Variants in SOX5 observed in about 807,000 individuals in gnomAD.
The protein encoded by SOX5 is SRY-box transcription factor 5, also known as transcription factor SOX-5.
Under a neutral mutation model 92.0 loss-of-function variants are expected in SOX5, and 9 were observed. That is an observed-to-expected ratio of 0.10 (90% CI 0.06 to 0.17). SOX5 has a LOEUF of 0.17. Ranked by LOEUF, SOX5 falls within the 10% of genes least tolerant of loss-of-function variation. The pLI, the probability that SOX5 is intolerant of heterozygous loss-of-function variation, is 1.00. For synonymous variants in SOX5, 344 were observed against 336.3 expected (o/e 1.02, Z -0.25); for missense variants, 642 against 944.5 (o/e 0.68, Z 4.20).
At chr12:23,945,773 T>C (rs764999900) in intron 1 of SOX5, among the ~76,000 whole-genome samples, 11 of 152,280 alleles carry the variant, frequency 7.2e-5, no homozygotes, top group Middle Eastern at 3.4e-3. Context: ...TTTTCTGTGA[T>C]TCACACCTAG....
At chr12:24,422,093 G>C (rs558095280) in intron 1 of SOX5, among the ~76,000 whole-genome samples, 2 of 152,208 alleles carry the variant, frequency 1.3e-5, no homozygotes, top group Non-Finnish European at 2.9e-5. Context: ...AGCAAGGTGC[G>C]TGGAAGTCTA....
At chr12:23,924,903 T>A (rs1247209995) in intron 1 of SOX5, among the ~76,000 whole-genome samples, 1 of 152,074 alleles carries the variant, frequency 6.6e-6, no homozygotes, top group East Asian at 1.9e-4. Flanking sequence ...GCTCATAAAA[T>A]AAGTTAATAG....
At chr12:24,557,411 AAAAG>A (rs1159540834) in intron 1 of SOX5, among the ~76,000 whole-genome samples, 31 of 151,442 alleles carry the variant, frequency 2.0e-4, no homozygotes, top group African/African-American at 4.8e-4. Context: ...AAAAAAAAAA[AAAAG>A]AAAGAAAGAA....
intron 4 of SOX5, among the ~76,000 whole-genome samples, chr12:24,106,832 A>G (rs1359605664): frequency 1.4e-5 from 2 of 148,002 alleles, no homozygotes; most frequent in African/African-American, 4.9e-5. Context: ...AATAATAATA[A>G]TAATAATAAA....
intron 6 of SOX5, among the ~76,000 whole-genome samples, chr12:23,713,650 T>C (rs1185399779): frequency 6.7e-6 from 1 of 148,360 alleles, no homozygotes; most frequent in East Asian, 1.9e-4. Context: ...AGTGTCTCTG[T>C]GTGTGTGTGT....
intron 1 of SOX5, among the ~76,000 whole-genome samples, chr12:23,902,550 T>C (rs1044446511): frequency 6.6e-6 from 1 of 151,580 alleles, no homozygotes; most frequent in African/African-American, 2.4e-5. Flanking sequence ...AACTATATCA[T>C]CAACTTTTTC....
chr12:24,488,213 A>G (rs1946712839), intron 1 of SOX5, among the ~76,000 whole-genome samples: 1 of 152,158 alleles, frequency 6.6e-6, no homozygotes, highest in Non-Finnish European at 1.5e-5. Context: ...TCTTTATACT[A>G]TAGGCCATGT....
At chr12:24,007,094 T>C (rs1261977634) in intron 4 of SOX5, among the ~76,000 whole-genome samples, 9 of 145,440 alleles carry the variant, frequency 6.2e-5, no homozygotes, top group South Asian at 2.1e-4. Context: ...GCTCCCGCCA[T>C]TGCACTCCAG....
chr12:24,454,076 T>TA (rs1199560512), intron 1 of SOX5, among the ~76,000 whole-genome samples: 1 of 152,222 alleles, frequency 6.6e-6, no homozygotes, highest in Admixed American at 6.5e-5. Flanking sequence ...AGGGCTTCTC[T>TA]AGAGCTATAT....
chr12:24,422,562 C>T (rs1966096717), intron 1 of SOX5, among the ~76,000 whole-genome samples: 1 of 152,180 alleles, frequency 6.6e-6, no homozygotes. Flanking sequence ...TTAGGGTTGT[C>T]TGCACAGTTT....
intron 1 of SOX5, among the ~76,000 whole-genome samples, chr12:24,388,886 T>C (rs1333808668): frequency 2.6e-5 from 4 of 152,206 alleles, no homozygotes; most frequent in Non-Finnish European, 4.4e-5. Flanking sequence ...CTCTTGTGAC[T>C]GGCTTCTTCC....
intron 8 of SOX5, among the ~76,000 whole-genome samples, chr12:23,612,361 C>T (rs1378343090): frequency 6.6e-6 from 1 of 151,854 alleles, no homozygotes. Flanking sequence ...TTAGTTCACC[C>T]CAAGAGTTTA....
chr12:23,959,854 C>T (rs184310917), intron 4 of SOX5, among the ~76,000 whole-genome samples: 3 of 152,286 alleles, frequency 2.0e-5, no homozygotes, highest in African/African-American at 7.2e-5. Context: ...AATAAACTAT[C>T]AGCTTGGTAA....
chr12:23,954,636 CTT>C (rs1481922016), upstream of SOX5, among the ~76,000 whole-genome samples: 1 of 151,896 alleles, frequency 6.6e-6, no homozygotes, highest in South Asian at 2.1e-4. Flanking sequence ...AGCCTATCTT[CTT>C]TTTTAAAGAC....
chr12:24,246,242 A>AT (rs963836308), intron 3 of SOX5, among the ~76,000 whole-genome samples: 6 of 147,850 alleles, frequency 4.1e-5, no homozygotes, highest in Admixed American at 2.0e-4. Flanking sequence ...TTTTTGCCTA[A>AT]TTTTTTTTTC....
chr12:24,433,129 T>G (rs1241807842), intron 1 of SOX5, among the ~76,000 whole-genome samples: 1 of 152,236 alleles, frequency 6.6e-6, no homozygotes, highest in African/African-American at 2.4e-5. Flanking sequence ...GATAGAATTT[T>G]AGCTAGTAAA....
At chr12:23,934,520 G>A (rs949528771) in intron 1 of SOX5, among the ~76,000 whole-genome samples, 2 of 149,392 alleles carry the variant, frequency 1.3e-5, no homozygotes, top group African/African-American at 2.4e-5. Context: ...TATACAACAT[G>A]AATATTTTAT....
chr12:23,605,645 AT>A (rs1391639625), intron 8 of SOX5, among the ~76,000 whole-genome samples: 3 of 151,370 alleles, frequency 2.0e-5, no homozygotes, highest in Non-Finnish European at 4.4e-5. Context: ...GATTATCTTG[AT>A]TTTTTTTCTG....
intron 3 of SOX5, among the ~76,000 whole-genome samples, chr12:23,761,402 G>A (rs912368379): frequency 6.6e-6 from 1 of 152,068 alleles, no homozygotes; most frequent in Non-Finnish European, 1.5e-5. Context: ...GTACTAACAG[G>A]TTGGTAATTT....
Sources: allele counts gnomAD v4.1 joint callset (sites outside exome capture counted in the v4.1 genomes callset), GRCh38; gene constraint gnomAD v4.1.1; transcripts MANE v1.5; gene names NCBI Gene and HGNC (gene_info 2026-07-23, HGNC 2026-07-21).